Variants in SH3KBP1 observed in about 807,000 individuals in gnomAD.
SH3KBP1 encodes SH3 domain-containing kinase-binding protein 1.
A neutral mutation model predicts 50.1 loss-of-function variants in SH3KBP1; 8 were observed. That is an observed-to-expected ratio of 0.16 (90% confidence interval 0.09 to 0.29). SH3KBP1 has a LOEUF of 0.29. Ranked by LOEUF, SH3KBP1 falls within the 10% of genes least tolerant of loss-of-function variation. The probability of loss-of-function intolerance (pLI) is 1.00; values close to 1 mark genes in which losing one functional copy is unlikely to be tolerated. For missense variants in SH3KBP1, 377 were observed against 535.2 expected, an observed-to-expected ratio of 0.70 and a Z score of 2.92; for synonymous variants, 227 against 218.6, an observed-to-expected ratio of 1.04 and a Z score of -0.34.
chrX:19,762,482 C>T (rs986855483), intron 2 of SH3KBP1, among the ~76,000 whole-genome samples: 1 of 110,237 alleles, frequency 9.1e-6, no homozygotes, highest in African/African-American at 3.3e-5. Context: ...ACCAGTTGTG[C>T]GATCCCACCC....
intron 12 of SH3KBP1, among the ~76,000 whole-genome samples, chrX:19,575,843 T>A (rs1213757551): frequency 8.9e-6 from 1 of 112,302 alleles, no homozygotes; most frequent in Middle Eastern, 4.2e-3. Flanking sequence ...GAAGCATGTG[T>A]CTGGAGTGGC....
chrX:19,669,480 C>CA (rs1278327432), intron 6 of SH3KBP1, among the ~76,000 whole-genome samples: 1 of 110,410 alleles, frequency 9.1e-6, no homozygotes, highest in African/African-American at 3.3e-5. Flanking sequence ...GTCAGGCCCC[C>CA]CAGGGGCTAC....
intron 2 of SH3KBP1, among the ~76,000 whole-genome samples, chrX:19,833,420 TTTCCCACAGTCTTCCGCCCC>T (rs2067968219): frequency 1.0e-5 from 1 of 95,425 alleles, no homozygotes; most frequent in South Asian, 5.3e-4. Flanking sequence ...CTCCTCTGTC[TTTCCCACAGTCTTCCGCCCC>T]TTCCCACAGT....
intron 6 of SH3KBP1, among the ~76,000 whole-genome samples, chrX:19,654,933 C>A (rs1180244169): frequency 8.9e-6 from 1 of 111,962 alleles, no homozygotes; most frequent in Non-Finnish European, 1.9e-5. Flanking sequence ...ATACAAAGAT[C>A]TTTTCAGATC....
chrX:19,715,973 C>T (rs2063898770), intron 3 of SH3KBP1, among the ~76,000 whole-genome samples: 1 of 111,732 alleles, frequency 8.9e-6, no homozygotes, highest in Admixed American at 9.5e-5. Flanking sequence ...GAGCAGCATG[C>T]CAGCTTCTTT....
chrX:19,856,471 G>C (rs140983635), intron 1 of SH3KBP1, among the ~76,000 whole-genome samples: 4 of 111,391 alleles, frequency 3.6e-5, no homozygotes, highest in Non-Finnish European at 7.5e-5. Flanking sequence ...TGTCAGTAGC[G>C]ACCTTTAAGG....
At chrX:19,673,137 C>T (rs1300871006) in intron 6 of SH3KBP1, among the ~76,000 whole-genome samples, 1 of 109,423 alleles carries the variant, frequency 9.1e-6, no homozygotes, top group Non-Finnish European at 1.9e-5. Context: ...AGAGAGGAAG[C>T]CGGGTGTGAG....
chrX:19,788,289 A>C (rs1569472329), intron 2 of SH3KBP1, among the ~76,000 whole-genome samples: 1 of 104,198 alleles, frequency 9.6e-6, no homozygotes, highest in Non-Finnish European at 1.9e-5. Context: ...AAAAAAACAA[A>C]AAAAAAAAAC....
intron 6 of SH3KBP1, among the ~76,000 whole-genome samples, chrX:19,648,874 A>G (rs1335597790): frequency 9.0e-6 from 1 of 111,509 alleles, no homozygotes; most frequent in Non-Finnish European, 1.9e-5. Flanking sequence ...CTTTCCCGTC[A>G]GCCTTCCAGC....
chrX:19,562,613 T>C (rs1046872019), intron 13 of SH3KBP1, among the ~76,000 whole-genome samples: 11 of 111,269 alleles, frequency 9.9e-5, no homozygotes, highest in Admixed American at 4.8e-4. Context: ...GTAGCAAACA[T>C]AGAGGCACTC....
chrX:19,728,004 T>A (rs886749533), intron 3 of SH3KBP1, among the ~76,000 whole-genome samples: 1 of 111,659 alleles, frequency 9.0e-6, no homozygotes, highest in African/African-American at 3.3e-5. Flanking sequence ...GCTAGCAATC[T>A]TTAGCTATCA....
At chrX:19,871,974 G>A (rs969712073) in intron 1 of SH3KBP1, among the ~76,000 whole-genome samples, 5 of 110,597 alleles carry the variant, frequency 4.5e-5, no homozygotes, top group East Asian at 5.6e-4. Flanking sequence ...AATGGTGGCC[G>A]GGCACGGTGG....
chrX:19,591,189 GCCA>G (rs2066739869), intron 11 of SH3KBP1, among the ~76,000 whole-genome samples: 1 of 110,416 alleles, frequency 9.1e-6, no homozygotes, highest in Admixed American at 9.7e-5. Context: ...ATTTCATGAG[GCCA>G]CCAAGGAGCA....
At chrX:19,608,601 G>A (rs188793951) in intron 8 of SH3KBP1, among the ~76,000 whole-genome samples, 1,279 of 111,908 alleles carry the variant, frequency 0.011, 19 homozygotes, top group African/African-American at 0.039. Flanking sequence ...GGGCCACTGC[G>A]CCCAGCCTTT....
intron 13 of SH3KBP1, 55 bp from the exon 14 acceptor site, chrX:19,550,138 G>T: frequency 1.3e-6 from 1 of 764,535 alleles, no homozygotes; most frequent in Non-Finnish European, 2.0e-6. Context: ...AGACTCTTAT[G>T]ATATGTCATA....
chrX:19,651,405 T>C (rs1179999117), intron 6 of SH3KBP1, among the ~76,000 whole-genome samples: 1 of 112,285 alleles, frequency 8.9e-6, no homozygotes, highest in East Asian at 2.8e-4. Flanking sequence ...ACTACACTTG[T>C]AATTCCATTC....
At chrX:19,848,770 T>TTGAC (rs769813640) in intron 1 of SH3KBP1, among the ~76,000 whole-genome samples, 1 of 109,915 alleles carries the variant, frequency 9.1e-6, no homozygotes, top group Non-Finnish European at 1.9e-5. Flanking sequence ...GCTGTGGATA[T>TTGAC]TGATTGATTG....
chrX:19,647,840 C>A (rs1172494793), intron 6 of SH3KBP1, among the ~76,000 whole-genome samples: 1 of 110,725 alleles, frequency 9.0e-6, no homozygotes, highest in Non-Finnish European at 1.9e-5. Context: ...GGCCCCACCC[C>A]AGGCTTTCTC....
rs1276835599 is a variant in SH3KBP1 at position 19,853,962 on chromosome X, TA to T, written c.5-17681del. Among the ~76,000 whole-genome samples the T allele has an allele frequency of 2.7e-3, 263 of 97,783 alleles. 1 individual carries two copies. Among genetic ancestry groups the T allele is most frequent in the African/African-American group, 8.4e-3 (229 of 27,130 alleles). The allele number at this position is 97,783 out of a possible 115,157, so 84.9% of individuals were successfully genotyped here. On this transcript the variant is annotated intron_variant, in intron 1 of 17. Transcript: ENST00000397821. ...GGGCAAGAGAGAACGAAACTCCATC[TA>T]AAAAAAAAAACAACAGCCAGAAGTC... is the stretch of plus-strand genomic sequence containing the variant.
Sources: allele counts gnomAD v4.1 joint callset (sites outside exome capture counted in the v4.1 genomes callset), GRCh38; gene constraint gnomAD v4.1.1; transcripts MANE v1.5; gene names NCBI Gene and HGNC (gene_info 2026-07-23, HGNC 2026-07-21).